Variants in DNAH3 observed in about 807,000 individuals in gnomAD.
DNAH3 encodes the protein axonemal beta dynein heavy chain 3.
In DNAH3, 332 loss-of-function variants were observed where a neutral mutation model predicts 432.5. The observed-to-expected ratio is 0.77, with a 90% CI of 0.70 to 0.84. The LOEUF (loss-of-function observed/expected upper bound fraction) is 0.84, where lower values mean the gene tolerates loss of function less well. Among genes scored for constraint, DNAH3 ranks in the 40% least tolerant of loss-of-function variants. The pLI is 0.00. For missense variants in DNAH3, 4,861 were observed against 5,114.0 expected (o/e 0.95, Z 1.51); for synonymous variants, 1,956 against 1,900.2 (o/e 1.03, Z -0.76).
rs149927286 is a variant in DNAH3, at chr16:21,121,139, C to G, written c.1585-285G>C. ...GAAGGTGGAAGGGTGAGGGAGCTAG[C>G]CAGCAAGACCCCACAGATCCCTTCC... is the stretch of plus-strand genomic sequence containing the variant. On this transcript the variant is annotated intron_variant, in intron 10 of 61. Transcript: ENST00000261383. 1.7e-3 allele frequency: 901 copies of G among 519,596 alleles called. 13 individuals are homozygous for G. The highest frequency in any genetic ancestry group is 0.015 in the African/African-American group (807 of 52,936). The allele number at this position is 519,596 out of a possible 1,614,324, so 32.2% of individuals were successfully genotyped here. A position where few individuals can be genotyped will look rare whatever the true frequency, so the allele number is the denominator to read the frequency against.
At chr16:21,075,251 T>C (rs2090933040) in intron 21 of DNAH3, among the ~76,000 whole-genome samples, 196 bp downstream of exon 21, 1 of 152,166 alleles carries the variant, frequency 6.6e-6, no homozygotes, top group South Asian at 2.1e-4. Context: ...CTTGTCTGAT[T>C]TGAAGAATGA....
chr16:20,997,608 C>A (rs1262142192), intron 43 of DNAH3, 146 bp from the exon 44 acceptor site: 19 of 898,782 alleles, frequency 2.1e-5, no homozygotes, highest in Non-Finnish European at 2.8e-5. Flanking sequence ...CAATGGATGC[C>A]CTGACCAGAT....
At chr16:20,988,208 A>T (rs1213314840) in intron 44 of DNAH3, 143 bp from the exon 45 acceptor site, 2 of 882,660 alleles carry the variant, frequency 2.3e-6, no homozygotes, top group Non-Finnish European at 3.5e-6. Context: ...ACCTCTAGCC[A>T]CCTGCAGCAA....
chr16:21,070,860 G>A, intron 21 of DNAH3, 34 bp from the exon 22 acceptor site: 1 of 1,270,962 alleles, frequency 7.9e-7, no homozygotes. Flanking sequence ...TGTCAAGATT[G>A]TGAAACCTCC....
chr16:21,039,903 G>T, exon 33 of DNAH3: 3 of 1,613,752 alleles, frequency 1.9e-6, no homozygotes, highest in Non-Finnish European at 2.5e-6. Flanking sequence ...TCCAATGAGG[G>T]CGTAATCTGG....
exon 31 of DNAH3, chr16:21,049,607 C>T (rs768910895): frequency 6.2e-7 from 1 of 1,614,166 alleles, no homozygotes; most frequent in East Asian, 2.2e-5. Flanking sequence ...GCCCATGCTC[C>T]AGCCTGTGCC....
intron 41 of DNAH3, among the ~76,000 whole-genome samples, chr16:21,016,665 C>T (rs1460100696): frequency 6.6e-6 from 1 of 152,240 alleles, no homozygotes; most frequent in South Asian, 2.1e-4. Flanking sequence ...TGAGTATATA[C>T]ACCAGAAATA....
intron 47 of DNAH3, among the ~76,000 whole-genome samples, chr16:20,986,608 C>T (rs947585576): frequency 2.6e-5 from 4 of 152,092 alleles, no homozygotes; most frequent in African/African-American, 7.2e-5. Context: ...TCAGTTTGTA[C>T]GGTCCCCAGA....
At chr16:20,983,041 T>C (rs75660145) in intron 48 of DNAH3, 155 bp from the exon 49 acceptor site, 7,014 of 695,444 alleles carry the variant, frequency 0.01, 47 homozygotes, top group Non-Finnish European at 0.015. Flanking sequence ...AATGAGTGCC[T>C]GGGAAATGCG....
rs547126290 is a variant in DNAH3, at chr16:21,148,563, C to T, written c.118-2475G>A. Among the ~76,000 whole-genome samples the T allele has an allele frequency of 1.8e-4, 28 of 152,222 alleles. No individual in the cohort carries two copies. The East Asian group carries it at 4.3e-3, about 23-fold the overall frequency. On this transcript the variant is annotated intron_variant, in intron 1 of 61. Coordinates refer to ENST00000261383, the Ensembl canonical transcript of DNAH3. ...GGTTCGAGCGATTCTCCTGCCTCAG[C>T]TTCCTTACTGCATCATGCAAACTGA... is the stretch of plus-strand genomic sequence containing the variant.
intron 44 of DNAH3, among the ~76,000 whole-genome samples, chr16:20,990,704 G>A (rs1663003317): frequency 6.6e-6 from 1 of 152,064 alleles, no homozygotes; most frequent in Non-Finnish European, 1.5e-5. Flanking sequence ...AACACTCTTA[G>A]CATCTACTGT....
intron 44 of DNAH3, among the ~76,000 whole-genome samples, chr16:20,991,429 A>G (rs1007215435): frequency 2.0e-5 from 3 of 151,906 alleles, no homozygotes; most frequent in Non-Finnish European, 4.4e-5. Context: ...ATGACTGGCT[A>G]ATTTTTGTAT....
chr16:21,107,919 G>C (rs939081269), intron 14 of DNAH3, among the ~76,000 whole-genome samples: 1 of 151,822 alleles, frequency 6.6e-6, no homozygotes, highest in Non-Finnish European at 1.5e-5. Flanking sequence ...CTGGTGCACA[G>C]TGGTGTGATC....
intron 57 of DNAH3, among the ~76,000 whole-genome samples, chr16:20,946,874 G>C (rs1450015465): frequency 2.8e-5 from 4 of 145,174 alleles, no homozygotes; most frequent in Admixed American, 2.1e-4. Context: ...GCCCAGGCTG[G>C]AGTGCAGTGG....
intron 21 of DNAH3, among the ~76,000 whole-genome samples, chr16:21,071,285 A>G (rs1473708292): frequency 6.6e-6 from 1 of 151,112 alleles, no homozygotes; most frequent in East Asian, 2.0e-4. Flanking sequence ...CAGGTGATCC[A>G]CCCGCCTCGG....
Position 21,086,923 on chromosome 16 carries a change from C to T in DNAH3, c.2803G>A (p.Asp935Asn), listed in dbSNP as rs755126756. The T allele has an allele frequency of 2.5e-6, 4 of 1,614,184 alleles. No homozygotes were observed. Among genetic ancestry groups the T allele is most frequent in the Admixed American group, 1.7e-5 (1 of 60,022 alleles). Residue 935 changes from aspartate (D) to asparagine (N), a missense_variant, in exon 19 of 62, where the codon GAT becomes AAT. Coordinates refer to ENST00000261383, the Ensembl canonical transcript of DNAH3. ...ATGGGAATGTACTGCTTGAACTTAT[C>T]GATCTTGATCTTCACATTCTCTGCT... is the stretch of plus-strand genomic sequence containing the variant.
At chr16:21,048,285 T>C (rs968732491) in intron 31 of DNAH3, among the ~76,000 whole-genome samples, 8 of 152,292 alleles carry the variant, frequency 5.3e-5, no homozygotes, top group East Asian at 3.9e-4. Flanking sequence ...CAGGCTGCCG[T>C]CTTGCAGTTT....
At chr16:21,096,440 C>CT (rs2091682802) in intron 18 of DNAH3, among the ~76,000 whole-genome samples, 1 of 152,048 alleles carries the variant, frequency 6.6e-6, no homozygotes, top group Admixed American at 6.6e-5. Flanking sequence ...ACAAGGATCT[C>CT]TGATTTTGTC....
chr16:20,983,764 A>G (rs553494705), intron 48 of DNAH3, among the ~76,000 whole-genome samples: 1 of 152,116 alleles, frequency 6.6e-6, no homozygotes, highest in African/African-American at 2.4e-5. Context: ...TGTAATCCCA[A>G]CACTTTGGGA....
Sources: gnomAD v4.1 joint callset for allele counts (sites outside exome capture counted in the v4.1 genomes callset) on GRCh38, gnomAD v4.1.1 for gene constraint, MANE v1.5 for transcripts, NCBI Gene and HGNC (gene_info 2026-07-23, HGNC 2026-07-21) for gene names.